The following THEMIS variants were observed in gnomAD, a reference collection of about 807,000 sequenced individuals.
THEMIS encodes protein THEMIS.
THEMIS carries 37 observed loss-of-function variants against 52.6 expected under a neutral mutation model. The ratio of observed to expected loss-of-function variants is 0.70; its 90% CI spans 0.54 to 0.93. The LOEUF (loss-of-function observed/expected upper bound fraction) is 0.93, where lower values mean the gene tolerates loss of function less well. Among genes scored for constraint, THEMIS ranks in the 40% least tolerant of loss-of-function variants. The pLI is 0.00. For synonymous variants in THEMIS, 292 were observed against 272.7 expected, an observed-to-expected ratio of 1.07 and a Z score of -0.70; for missense variants, 808 against 763.1, an observed-to-expected ratio of 1.06 and a Z score of -0.69.
At position 127,813,407 on chromosome 6, in the gene THEMIS, C is replaced by CCAGAACA; in HGVS notation, c.1227_1233dup (p.Ala412CysfsTer5). 1.9e-6 allele frequency: 3 copies of CCAGAACA among 1,613,810 alleles called. No individual in the cohort carries two copies. The highest frequency in any genetic ancestry group is 1.7e-6 in the Non-Finnish European group (2 of 1,179,888). On this transcript the variant is annotated frameshift_variant, in exon 4 of 6. Coordinates refer to ENST00000368248, the MANE Select transcript of THEMIS (RefSeq NM_001010923.3). LOFTEE classifies it high-confidence loss of function. The stretch of plus-strand genomic sequence containing the variant: ...GACTTTTTGAGGATTTTTTCACAGG[C>CCAGAACA]CAGAACATTCACCACTTTTTTTATT...
Position 127,710,734 on chromosome 6 carries a change from C to A in THEMIS, c.1895-718G>T, listed in dbSNP as rs372365536. Reference sequence around the variant, plus strand: ...TCCTTTCTACTATGGCTTTATGGAGCGCGATGGATGGGTAATTAAAAGAAG... The same window carrying A: ...TCCTTTCTACTATGGCTTTATGGAGAGCGATGGATGGGTAATTAAAAGAAG... On this transcript the variant is annotated intron_variant, in intron 5 of 5. Coordinates refer to ENST00000368248, the MANE Select transcript of THEMIS (RefSeq NM_001010923.3). 6.6e-5 allele frequency among the ~76,000 whole-genome samples: 10 copies of A among 151,858 alleles called. No homozygotes were observed. In the East Asian group the frequency reaches 1.2e-3, roughly 18 times the overall value.
intron 3 of THEMIS, among the ~76,000 whole-genome samples, chr6:127,819,854 G>T (rs1290856229): frequency 6.6e-6 from 1 of 152,188 alleles, no homozygotes; most frequent in Non-Finnish European, 1.5e-5. Context: ...GAAAGGAAGA[G>T]TGCTGGAGAA....
chr6:127,725,587 T>C (rs1351329041), intron 4 of THEMIS, among the ~76,000 whole-genome samples: 1 of 152,108 alleles, frequency 6.6e-6, no homozygotes, highest in African/African-American at 2.4e-5. Context: ...GTCCATAATA[T>C]GATAGAGGCA....
At chr6:127,844,173 G>A (rs67572105) in intron 2 of THEMIS, among the ~76,000 whole-genome samples, 9,175 of 152,026 alleles carry the variant, frequency 0.06, 377 homozygotes, top group Non-Finnish European at 0.097. Flanking sequence ...CAGACTCAGC[G>A]TAACCACTTG....
At chr6:127,910,782 A>G (rs1231768800) in intron 1 of THEMIS, among the ~76,000 whole-genome samples, 3 of 152,014 alleles carry the variant, frequency 2.0e-5, no homozygotes, top group Admixed American at 6.6e-5. Flanking sequence ...CAATATTGAG[A>G]TATTATTATT....
intron 4 of THEMIS, among the ~76,000 whole-genome samples, chr6:127,721,863 T>A (rs1774374217): frequency 2.0e-5 from 3 of 152,020 alleles, no homozygotes; most frequent in African/African-American, 7.2e-5. Context: ...AAAGAAGGAA[T>A]AAGCTTCATG....
intron 4 of THEMIS, among the ~76,000 whole-genome samples, chr6:127,754,999 C>T (rs117499031): frequency 0.016 from 2,401 of 151,692 alleles, 33 homozygotes; most frequent in Non-Finnish European, 0.025. Flanking sequence ...CATAAAGCTC[C>T]GTCACATTCA....
In THEMIS at chr6:127,820,972, C is replaced by G. The variant is rs536701491; in HGVS notation, c.710-7041G>C. 2.2e-4 allele frequency among the ~76,000 whole-genome samples: 33 copies of G among 151,940 alleles called. 1 individual carries two copies. In the South Asian group the frequency reaches 6.8e-3, roughly 32 times the overall value. ...GCAAATATTATATCTAAGAATCTCTCCTAGAGAAAGATAAAGACACCAACA... is the reference window on the plus strand; with the variant it reads ...GCAAATATTATATCTAAGAATCTCTGCTAGAGAAAGATAAAGACACCAACA... On this transcript the variant is annotated intron_variant, in intron 3 of 5. Coordinates refer to ENST00000368248, the MANE Select transcript of THEMIS (RefSeq NM_001010923.3).
chr6:127,779,983 A>G (rs1776690278), intron 4 of THEMIS, among the ~76,000 whole-genome samples: 1 of 152,148 alleles, frequency 6.6e-6, no homozygotes, highest in Non-Finnish European at 1.5e-5. Context: ...GATCTGTCTA[A>G]TATGGGCAGC....
intron 4 of THEMIS, among the ~76,000 whole-genome samples, chr6:127,774,405 C>T (rs1236015757): frequency 6.6e-6 from 1 of 152,150 alleles, no homozygotes; most frequent in Non-Finnish European, 1.5e-5. Context: ...CGGGGTTTCA[C>T]CGTGTTAGCC....
At position 127,709,944 on chromosome 6, in the gene THEMIS, A is replaced by T. The variant is rs748799622; in HGVS notation, c.*41T>A. 7.0e-6 allele frequency: 11 copies of T among 1,566,660 alleles called. No homozygotes were observed. In the African/African-American group the frequency reaches 1.3e-4, roughly 18 times the overall value. On this transcript the variant is annotated 3_prime_UTR_variant, in exon 6 of 6. Transcript: ENST00000368248. ...AAGGCTAGCTTCTTTTTTCACTGCA[A>T]CATTTATGTTTGCTGCCTAAGTGGC...
chr6:127,911,419 T>TTA (rs751876569), intron 1 of THEMIS, among the ~76,000 whole-genome samples: 36 of 151,102 alleles, frequency 2.4e-4, no homozygotes, highest in Non-Finnish European at 4.0e-4. Context: ...GATATATATA[T>TTA]TATATATATC....
At chr6:127,746,558 C>T (rs184376459) in intron 4 of THEMIS, among the ~76,000 whole-genome samples, 3 of 147,534 alleles carry the variant, frequency 2.0e-5, no homozygotes, top group South Asian at 2.1e-4. Flanking sequence ...AACAAATCAA[C>T]GATGTGCTAA....
chr6:127,700,381 A>C, the THEMIS span, among the ~76,000 whole-genome samples: 1 of 151,902 alleles, frequency 6.6e-6, no homozygotes, highest in Non-Finnish European at 1.5e-5. Flanking sequence ...AAAACAAAAA[A>C]AAAATTAAAC....
In THEMIS at chr6:127,813,637, G is replaced by T; in HGVS notation, c.1004C>A (p.Pro335His). The T allele has an allele frequency of 3.1e-6, 5 of 1,614,058 alleles. No homozygotes were observed. Among genetic ancestry groups the T allele is most frequent in the Non-Finnish European group, 4.2e-6 (5 of 1,180,004 alleles). ...SNFPKRHFLIPTSYKGKFKRR... is the reference protein window; with the variant it reads ...SNFPKRHFLIHTSYKGKFKRR... Reference sequence around the variant, plus strand: ...CTTGAACTTGCCTTTATAGCTAGTGGGGATCAAGAAGTGTCTTTTAGGAAA... The same window carrying T: ...CTTGAACTTGCCTTTATAGCTAGTGTGGATCAAGAAGTGTCTTTTAGGAAA... The change falls in exon 4 of 6, where the codon CCC becomes CAC. Residue 335 changes from proline to histidine, a missense_variant. Pro to His is a moderately conservative substitution (Grantham distance 77). Coordinates refer to ENST00000368248, the MANE Select transcript of THEMIS (RefSeq NM_001010923.3).
upstream of THEMIS, among the ~76,000 whole-genome samples, chr6:127,905,350 T>C (rs1781242830): frequency 6.6e-6 from 1 of 152,046 alleles, no homozygotes; most frequent in South Asian, 2.1e-4. Flanking sequence ...AATACCATCA[T>C]TAAAATGCTG....
chr6:127,755,193 C>T (rs1775780871), intron 4 of THEMIS, among the ~76,000 whole-genome samples: 2 of 152,178 alleles, frequency 1.3e-5, no homozygotes, highest in African/African-American at 4.8e-5. Context: ...TTAGTGTCAT[C>T]ATCATAGATT....
chr6:127,774,290 C>T (rs1421664185), intron 4 of THEMIS, among the ~76,000 whole-genome samples: 1 of 152,212 alleles, frequency 6.6e-6, no homozygotes, highest in African/African-American at 2.4e-5. Flanking sequence ...ACTGCAAGCT[C>T]CGCCTCCCGG....
intron 4 of THEMIS, among the ~76,000 whole-genome samples, chr6:127,799,124 A>G (rs997931243): frequency 6.6e-6 from 1 of 152,228 alleles, no homozygotes; most frequent in Non-Finnish European, 1.5e-5. Context: ...GAAGGTAGAA[A>G]GGCTTGAGAA....
Sources: gnomAD v4.1 joint callset for allele counts (sites outside exome capture counted in the v4.1 genomes callset) on GRCh38, gnomAD v4.1.1 for gene constraint, MANE v1.5 for transcripts, NCBI Gene and HGNC (gene_info 2026-07-23, HGNC 2026-07-21) for gene names.